CHN2: variants seen among roughly 807,000 people sequenced by gnomAD.
The protein encoded by CHN2 is beta-chimaerin.
Under a neutral mutation model 56.3 loss-of-function variants are expected in CHN2, and 35 were observed. The observed-to-expected ratio is 0.62, with a 90% CI of 0.47 to 0.82. The LOEUF (loss-of-function observed/expected upper bound fraction) is 0.82, where lower values mean the gene tolerates loss of function less well. Among genes scored for constraint, CHN2 ranks in the 40% least tolerant of loss-of-function variants. The pLI, the probability that CHN2 is intolerant of heterozygous loss-of-function variation, is 0.00. For synonymous variants in CHN2, 210 were observed against 212.8 expected (o/e 0.99, Z 0.12); for missense variants, 491 against 580.5 (o/e 0.85, Z 1.58).
chr7:29,445,078 T>C (rs1206883421), intron 6 of CHN2: 4 of 454,678 alleles, frequency 8.8e-6, no homozygotes, highest in Non-Finnish European at 1.8e-5. Context: ...TGGTCCCAGC[T>C]GGTATGTTTG....
At chr7:29,466,192 AT>A (rs1785538484) in intron 6 of CHN2, among the ~76,000 whole-genome samples, 1 of 151,374 alleles carries the variant, frequency 6.6e-6, no homozygotes, top group Non-Finnish European at 1.5e-5. Context: ...ACAGAGTGAA[AT>A]TGTCAAAATA....
chr7:29,377,474 C>T (rs950717190), intron 3 of CHN2, among the ~76,000 whole-genome samples: 1 of 152,200 alleles, frequency 6.6e-6, no homozygotes, highest in Non-Finnish European at 1.5e-5. Context: ...TTAATGTCCT[C>T]TTGCCTTAAT....
chr7:29,357,291 T>A (rs1272239845), intron 2 of CHN2, among the ~76,000 whole-genome samples: 1 of 152,212 alleles, frequency 6.6e-6, no homozygotes, highest in Non-Finnish European at 1.5e-5. Context: ...GAGCATCTAG[T>A]GATGTAGCTC....
chr7:29,335,210 A>G (rs11764084), intron 1 of CHN2, among the ~76,000 whole-genome samples: 5 of 152,286 alleles, frequency 3.3e-5, no homozygotes, highest in Admixed American at 2.6e-4. Flanking sequence ...ATTCTCTGTC[A>G]TGGTGCTGGG....
At chr7:29,420,163 T>C (rs1006326587) in intron 6 of CHN2, among the ~76,000 whole-genome samples, 8 of 152,110 alleles carry the variant, frequency 5.3e-5, no homozygotes, top group African/African-American at 1.9e-4. Context: ...GCCTTGTGCA[T>C]TGCTGCTGAG....
chr7:29,220,232 T>C (rs1384544672), intron 1 of CHN2, among the ~76,000 whole-genome samples: 1 of 148,094 alleles, frequency 6.8e-6, no homozygotes. Flanking sequence ...ATCATGCCAC[T>C]GTACTCCAGC....
chr7:29,187,369 AAGAG>A (rs1318101553), intron 2 of CHN2, among the ~76,000 whole-genome samples: 2 of 150,918 alleles, frequency 1.3e-5, no homozygotes, highest in Non-Finnish European at 3.0e-5. Flanking sequence ...GTGTGTGACA[AAGAG>A]AGAGACAGAG....
intron 2 of CHN2, among the ~76,000 whole-genome samples, 170 bp from the exon 3 acceptor site, chr7:29,367,762 A>G (rs573164430): frequency 6.6e-6 from 1 of 152,348 alleles, no homozygotes; most frequent in South Asian, 2.1e-4. Context: ...TAATTTCCAT[A>G]TAAATAATCT....
At chr7:29,507,117 T>G in intron 10 of CHN2, 111 bp from the exon 11 acceptor site, 1 of 1,004,766 alleles carries the variant, frequency 1.0e-6, no homozygotes, top group Non-Finnish European at 1.4e-6. Flanking sequence ...AAGAGTTAGC[T>G]GAGACTTGTC....
chr7:29,323,681 T>G (rs1585057297), intron 1 of CHN2, among the ~76,000 whole-genome samples: 1 of 151,700 alleles, frequency 6.6e-6, no homozygotes, highest in African/African-American at 2.4e-5. Flanking sequence ...TTGCTGCTGA[T>G]TGGTTGGGGC....
chr7:29,413,615 C>G (rs1803453582), intron 6 of CHN2, among the ~76,000 whole-genome samples: 1 of 152,192 alleles, frequency 6.6e-6, no homozygotes, highest in Non-Finnish European at 1.5e-5. Context: ...CATTGTTCCT[C>G]CTCTTCCAAC....
intron 6 of CHN2, among the ~76,000 whole-genome samples, chr7:29,425,298 A>G (rs1804752806): frequency 6.6e-6 from 1 of 152,126 alleles, no homozygotes; most frequent in Non-Finnish European, 1.5e-5. Flanking sequence ...TCCTCCCACT[A>G]CTGCAATCAG....
intron 1 of CHN2, among the ~76,000 whole-genome samples, chr7:29,284,444 T>C (rs951732685): frequency 1.3e-5 from 2 of 152,196 alleles, no homozygotes; most frequent in South Asian, 2.1e-4. Flanking sequence ...AGAAAGATAA[T>C]TGAAGCTCCA....
chr7:29,213,264 A>T, intron 1 of CHN2: 1 of 901,118 alleles, frequency 1.1e-6, no homozygotes, highest in Non-Finnish European at 1.8e-6. Context: ...TAGTGGCTGA[A>T]TCCTTCCTCT....
chr7:29,417,749 G>C (rs778890947), intron 6 of CHN2, among the ~76,000 whole-genome samples: 68 of 152,298 alleles, frequency 4.5e-4, no homozygotes, highest in Non-Finnish European at 8.5e-4. Flanking sequence ...AGTCCACTAG[G>C]AGTGGATACT....
intron 1 of CHN2, among the ~76,000 whole-genome samples, chr7:29,232,056 T>C (rs938604183): frequency 5.9e-5 from 9 of 152,166 alleles, no homozygotes; most frequent in Admixed American, 5.9e-4. Flanking sequence ...GTGATTGTGT[T>C]AGGAGCAGAA....
chr7:29,287,024 G>A (rs941175074), intron 1 of CHN2, among the ~76,000 whole-genome samples: 1 of 152,042 alleles, frequency 6.6e-6, no homozygotes, highest in African/African-American at 2.4e-5. Context: ...CTTCCCCTGG[G>A]GATGGGGACC....
intron 7 of CHN2, among the ~76,000 whole-genome samples, chr7:29,480,812 T>G (rs191223222): frequency 6.6e-6 from 1 of 152,364 alleles, no homozygotes; most frequent in African/African-American, 2.4e-5. Context: ...CTTTCCTTTA[T>G]GCGTAGACAC....
At chr7:29,322,527 A>G (rs1300841360) in intron 1 of CHN2, among the ~76,000 whole-genome samples, 1 of 152,164 alleles carries the variant, frequency 6.6e-6, no homozygotes, top group Admixed American at 6.5e-5. Flanking sequence ...AGTATTGTGA[A>G]GATAAAAAGC....
Sources: allele counts gnomAD v4.1 joint callset (sites outside exome capture counted in the v4.1 genomes callset), GRCh38; gene constraint gnomAD v4.1.1; transcripts MANE v1.5; gene names NCBI Gene and HGNC (gene_info 2026-07-23, HGNC 2026-07-21).